MIER1: variants seen among roughly 807,000 people sequenced by gnomAD.
MIER1 encodes the protein MIER1 transcriptional regulator.
MIER1 carries 40 observed loss-of-function variants against 75.7 expected under a neutral mutation model. The ratio of observed to expected loss-of-function variants is 0.53; its 90% CI spans 0.41 to 0.69. The LOEUF is 0.69. MIER1 is among the 30% of genes least tolerant of loss of function. The probability of loss-of-function intolerance (pLI) is 0.00; values close to 1 mark genes in which losing one functional copy is unlikely to be tolerated. For missense variants in MIER1, 574 were observed against 680.2 expected (o/e 0.84, Z 1.74); for synonymous variants, 213 against 223.4 (o/e 0.95, Z 0.42).
At chr1:66,964,571 G>A (rs1010291890) in intron 8 of MIER1, among the ~76,000 whole-genome samples, 2 of 150,768 alleles carry the variant, frequency 1.3e-5, no homozygotes, top group African/African-American at 4.9e-5. Flanking sequence ...TCCTGCCTCA[G>A]CCTCCCAAGT....
chr1:66,969,268 G>C (rs989058399), intron 8 of MIER1, among the ~76,000 whole-genome samples: 1 of 151,894 alleles, frequency 6.6e-6, no homozygotes, highest in African/African-American at 2.4e-5. Context: ...TAATACGGCC[G>C]GGCGCGGTGG....
chr1:66,979,019 T>G (rs1229581888), intron 12 of MIER1, among the ~76,000 whole-genome samples: 1 of 152,216 alleles, frequency 6.6e-6, no homozygotes, highest in Non-Finnish European at 1.5e-5. Flanking sequence ...TATAATGGTA[T>G]GACGTGAACT....
chr1:66,956,390 G>T (rs1483720874), intron 4 of MIER1, among the ~76,000 whole-genome samples: 3 of 152,100 alleles, frequency 2.0e-5, no homozygotes, highest in African/African-American at 7.2e-5. Context: ...CTCCAGCCTG[G>T]GTGACAGAGC....
At chr1:66,933,036 G>A (rs914599096) in intron 2 of MIER1, among the ~76,000 whole-genome samples, 1 of 152,100 alleles carries the variant, frequency 6.6e-6, no homozygotes. Flanking sequence ...CATTAAAGCC[G>A]TATTTAATGT....
intron 13 of MIER1, among the ~76,000 whole-genome samples, chr1:66,982,656 C>T (rs1666132257): frequency 6.6e-6 from 1 of 152,160 alleles, no homozygotes; most frequent in Non-Finnish European, 1.5e-5. Flanking sequence ...TAGGAGAGTA[C>T]CAGTGAAGAG....
At chr1:66,972,767 T>G (rs1275146197) in intron 10 of MIER1, 130 bp from the exon 11 acceptor site, 1 of 552,526 alleles carries the variant, frequency 1.8e-6, no homozygotes, top group Non-Finnish European at 3.2e-6. Flanking sequence ...TTTGCAACAA[T>G]TAGTAATAGA....
chr1:66,964,517 A>G (rs1661973091), intron 8 of MIER1, among the ~76,000 whole-genome samples: 1 of 148,908 alleles, frequency 6.7e-6, no homozygotes, highest in East Asian at 2.0e-4. Context: ...CAATGGCTCA[A>G]TCTCGGCTCA....
chr1:66,979,257 T>C (rs1458468342), intron 12 of MIER1, among the ~76,000 whole-genome samples: 1 of 152,206 alleles, frequency 6.6e-6, no homozygotes, highest in Non-Finnish European at 1.5e-5. Flanking sequence ...TACCATCTCT[T>C]TCTGTTAATA....
chr1:66,961,047 T>C (rs1485799390), intron 7 of MIER1, among the ~76,000 whole-genome samples: 2 of 152,290 alleles, frequency 1.3e-5, no homozygotes, highest in East Asian at 3.9e-4. Context: ...ACACCTCTCA[T>C]TGCTGGAGGG....
At chr1:66,945,919 T>C (rs544808651) in intron 3 of MIER1, among the ~76,000 whole-genome samples, 2 of 152,314 alleles carry the variant, frequency 1.3e-5, no homozygotes, top group South Asian at 4.1e-4. Context: ...TGACCATTTA[T>C]TATTTACAAT....
intron 10 of MIER1, among the ~76,000 whole-genome samples, chr1:66,972,125 A>G (rs1213729311): frequency 6.6e-6 from 1 of 151,136 alleles, no homozygotes; most frequent in Non-Finnish European, 1.5e-5. Flanking sequence ...GAAAGCAAAC[A>G]TAATTCATCA....
Position 66,984,862 on chromosome 1 carries a change from C to T in MIER1, c.1660C>T (p.His554Tyr), listed in dbSNP as rs753432013. The T allele has an allele frequency of 3.1e-6, 5 of 1,597,700 alleles. No homozygotes were observed. Among genetic ancestry groups the T allele is most frequent in the Non-Finnish European group, 4.3e-6 (5 of 1,175,516 alleles). The stretch of plus-strand genomic sequence containing the variant: ...TGAATTTTTCCAAGAAGCAGTCTCA[C>T]ATGGGAAATTTGAAGAACTTGAAAA... The part of the protein sequence containing the change: ...SSEFFQEAVS[H>Y]GKFEELENTD... The change falls in exon 14 of 14, where the codon CAT becomes TAT. Residue 554 changes from histidine to tyrosine, a missense_variant. By Grantham distance (83) the His-to-Tyr change is moderately conservative. This residue lies in a region of MIER1 where 164 missense variants were observed against 154.3 expected (regional missense o/e 1.06). Transcript: ENST00000401041.
intron 1 of MIER1, 120 bp downstream of exon 1, chr1:66,925,215 G>T: frequency 7.2e-7 from 1 of 1,394,648 alleles, no homozygotes; most frequent in South Asian, 1.7e-5. Flanking sequence ...GTACCGCCCG[G>T]AAGACCCTTA....
intron 3 of MIER1, among the ~76,000 whole-genome samples, chr1:66,940,744 G>A (rs945070123): frequency 1.3e-5 from 2 of 152,140 alleles, no homozygotes; most frequent in African/African-American, 4.8e-5. Context: ...TGGATTTAGG[G>A]TTCCCATGGT....
rs1224588220 is a variant in MIER1 at position 66,940,047 on chromosome 1, G to A, written c.188G>A (p.Ser63Asn). Residue 63 changes from serine (S) to asparagine (N), a missense_variant, in exon 3 of 14, where the codon AGT becomes AAT. Physicochemically the swap from Ser to Asn is conservative, Grantham distance 46 (BLOSUM62 1). Transcript: ENST00000401041. ...DVMLPSVESS[S>N]PGGSATSDDH... ...TCTCAGCCATCTGTTGAATCTTCAA[G>A]TCCAGGTAAGTATTTTCCATATTTT... 1 of 1,604,326 alleles carries A rather than the reference G, an allele frequency of 6.2e-7. No individual in the cohort carries two copies. The highest frequency in any genetic ancestry group is 2.2e-5 in the East Asian group (1 of 44,638).
chr1:66,937,907 TAC>T (rs1655291830), intron 2 of MIER1, among the ~76,000 whole-genome samples: 2 of 152,170 alleles, frequency 1.3e-5, no homozygotes, highest in African/African-American at 2.4e-5. Context: ...GGAAGTAAAA[TAC>T]TAAAATATGT....
chr1:66,964,325 G>A (rs1160137213), intron 8 of MIER1, among the ~76,000 whole-genome samples: 3 of 151,530 alleles, frequency 2.0e-5, no homozygotes, highest in African/African-American at 7.3e-5. Flanking sequence ...CGCCTGCCTC[G>A]GCCGCCCATA....
chr1:66,928,838 G>A (rs959893387), intron 2 of MIER1: 17 of 1,223,794 alleles, frequency 1.4e-5, no homozygotes, highest in Non-Finnish European at 1.2e-6. Context: ...TTGTAGATTT[G>A]GGAACCTTAA....
chr1:66,937,423 A>G (rs981791551), intron 2 of MIER1, among the ~76,000 whole-genome samples: 47 of 152,204 alleles, frequency 3.1e-4, no homozygotes, highest in Admixed American at 7.2e-4. Flanking sequence ...CGTCTCTATT[A>G]AAAACACAAA....
Sources: gnomAD v4.1 joint callset for allele counts (sites outside exome capture counted in the v4.1 genomes callset) on GRCh38, gnomAD v4.1.1 for gene constraint, gnomAD v4.1.1 regional missense constraint, MANE v1.5 for transcripts, NCBI Gene and HGNC (gene_info 2026-07-23, HGNC 2026-07-21) for gene names.